Variants in SLC39A11 observed in about 807,000 individuals in gnomAD.
SLC39A11 encodes zinc transporter ZIP11.
SLC39A11 carries 33 observed loss-of-function variants against 36.1 expected under a neutral mutation model. The ratio of observed to expected loss-of-function variants is 0.91; its 90% confidence interval spans 0.69 to 1.22. The LOEUF is 1.22. Among genes scored for constraint, SLC39A11 ranks in the 50% most tolerant of loss-of-function variants. The pLI, the probability that SLC39A11 is intolerant of heterozygous loss-of-function variation, is 0.00. For missense variants in SLC39A11, 432 were observed against 430.3 expected (o/e 1.00, Z -0.03); for synonymous variants, 166 against 170.3 (o/e 0.97, Z 0.20).
intron 6 of SLC39A11, among the ~76,000 whole-genome samples, chr17:72,835,030 T>G (rs1490938139): frequency 6.6e-6 from 1 of 152,226 alleles, no homozygotes. Flanking sequence ...AGTTGTGATT[T>G]TGCCCTCTGG....
At position 72,687,349 on chromosome 17, in the gene SLC39A11, G is replaced by A. The variant is rs187522766; in HGVS notation, c.672-38081C>T. 2.0e-3 allele frequency among the ~76,000 whole-genome samples: 305 copies of A among 152,068 alleles called. 2 individuals are homozygous for A. The highest frequency in any genetic ancestry group is 4.9e-3 in the African/African-American group (202 of 41,484). ...CGGCTCACTGCAACCTCCGCCTTCC[G>A]GCTCCTGCCTCAGCCTCACGAGTAG... On this transcript the variant is annotated intron_variant, in intron 7 of 9. Coordinates refer to ENST00000255559, the MANE Select transcript of SLC39A11 (RefSeq NM_139177.4).
At chr17:72,859,179 A>T (rs1397425668) in intron 5 of SLC39A11, among the ~76,000 whole-genome samples, 1 of 152,210 alleles carries the variant, frequency 6.6e-6, no homozygotes, top group Non-Finnish European at 1.5e-5. Context: ...TCTTTCCCTC[A>T]TAGCTTGGGA....
At chr17:72,689,117 A>G (rs561966190) in intron 7 of SLC39A11, among the ~76,000 whole-genome samples, 1 of 152,200 alleles carries the variant, frequency 6.6e-6, no homozygotes, top group South Asian at 2.1e-4. Context: ...AAAATCCGGT[A>G]AATATTTGGT....
chr17:72,674,967 A>G (rs1446085615), intron 7 of SLC39A11, among the ~76,000 whole-genome samples: 2 of 7,242 alleles, frequency 2.8e-4, no homozygotes, highest in Non-Finnish European at 7.0e-4. Context: ...GTTCATTGGA[A>G]AAAAAAGTGT....
intron 6 of SLC39A11, among the ~76,000 whole-genome samples, chr17:72,820,120 G>A (rs1267049598): frequency 6.6e-6 from 1 of 151,326 alleles, no homozygotes; most frequent in African/African-American, 2.4e-5. Context: ...CACTAAGAGG[G>A]AAGGTCACTG....
intron 6 of SLC39A11, among the ~76,000 whole-genome samples, chr17:72,836,153 G>A (rs1598927014): frequency 1.3e-5 from 2 of 152,194 alleles, no homozygotes; most frequent in East Asian, 3.8e-4. Context: ...CCAACGTGGT[G>A]CTGCAGACAT....
chr17:73,042,010 T>C (rs2059126785), intron 3 of SLC39A11, among the ~76,000 whole-genome samples: 1 of 151,494 alleles, frequency 6.6e-6, no homozygotes, highest in South Asian at 2.1e-4. Flanking sequence ...CATAGAATGA[T>C]TTAAAAAAAA....
intron 7 of SLC39A11, among the ~76,000 whole-genome samples, chr17:72,677,767 C>A (rs144494392): frequency 5.3e-5 from 8 of 152,224 alleles, no homozygotes; most frequent in Admixed American, 2.0e-4. Flanking sequence ...GTCCTCCTCC[C>A]TAGAGAATTA....
intron 6 of SLC39A11, among the ~76,000 whole-genome samples, chr17:72,789,306 G>A (rs1160742259): frequency 6.6e-6 from 1 of 152,138 alleles, no homozygotes; most frequent in Non-Finnish European, 1.5e-5. Flanking sequence ...GGCTTTGACT[G>A]CAGTGTAATA....
chr17:72,921,954 C>T (rs1272839934), intron 5 of SLC39A11, among the ~76,000 whole-genome samples: 1 of 152,210 alleles, frequency 6.6e-6, no homozygotes, highest in African/African-American at 2.4e-5. Flanking sequence ...AGTCCCTTTA[C>T]ATATGTTATC....
intron 6 of SLC39A11, among the ~76,000 whole-genome samples, chr17:72,831,489 T>C (rs1455688761): frequency 6.6e-6 from 1 of 152,244 alleles, no homozygotes; most frequent in Non-Finnish European, 1.5e-5. Context: ...ATTTATCTCC[T>C]GGTGAAGCCA....
At chr17:73,032,875 G>A (rs570265847) in intron 3 of SLC39A11, among the ~76,000 whole-genome samples, 1 of 152,178 alleles carries the variant, frequency 6.6e-6, no homozygotes, top group East Asian at 1.9e-4. Context: ...CACCCCAGAG[G>A]CAGATGATGT....
At chr17:72,727,917 T>TC (rs1359239960) in intron 7 of SLC39A11, among the ~76,000 whole-genome samples, 4 of 152,130 alleles carry the variant, frequency 2.6e-5, no homozygotes, top group South Asian at 4.1e-4. Flanking sequence ...CCTGTCTTCT[T>TC]CCCAGGTCAG....
intron 1 of SLC39A11, among the ~76,000 whole-genome samples, chr17:73,091,594 G>C (rs2060925262): frequency 2.0e-5 from 3 of 149,714 alleles, no homozygotes; most frequent in Admixed American, 1.3e-4. Context: ...AGTCTCAAGA[G>C]AAGAAAAAGT....
At chr17:73,057,163 G>A (rs1330422987) in intron 3 of SLC39A11, among the ~76,000 whole-genome samples, 2 of 151,884 alleles carry the variant, frequency 1.3e-5, no homozygotes, top group East Asian at 1.9e-4. Context: ...ATGGGGTTTC[G>A]CCATGTTGTC....
At chr17:73,080,491 G>C (rs1374979696) in intron 3 of SLC39A11, among the ~76,000 whole-genome samples, 1 of 152,052 alleles carries the variant, frequency 6.6e-6, no homozygotes, top group Non-Finnish European at 1.5e-5. Context: ...AACTTAAGAT[G>C]GATCAAAGAC....
intron 6 of SLC39A11, among the ~76,000 whole-genome samples, chr17:72,810,217 C>G (rs750597876): frequency 1.1e-4 from 17 of 152,140 alleles, no homozygotes; most frequent in Non-Finnish European, 1.8e-4. Flanking sequence ...TTAACACATG[C>G]TTATGCTATG....
chr17:72,956,914 G>A (rs2086275423), intron 4 of SLC39A11, among the ~76,000 whole-genome samples: 1 of 152,112 alleles, frequency 6.6e-6, no homozygotes, highest in South Asian at 2.1e-4. Context: ...TTGTTCTATG[G>A]TCAACTGGGC....
chr17:72,650,350 C>G (rs1453679666), intron 7 of SLC39A11, among the ~76,000 whole-genome samples: 1 of 152,222 alleles, frequency 6.6e-6, no homozygotes, highest in Non-Finnish European at 1.5e-5. Context: ...CAAATGCAAT[C>G]TGTGACCACA....
Sources: gnomAD v4.1 joint callset for allele counts (sites outside exome capture counted in the v4.1 genomes callset) on GRCh38, gnomAD v4.1.1 for gene constraint, MANE v1.5 for transcripts, NCBI Gene and HGNC (gene_info 2026-07-23, HGNC 2026-07-21) for gene names.